Variants in SCLT1 observed in about 807,000 individuals in gnomAD.
SCLT1 encodes sodium channel and clathrin linker 1, also known as sodium channel-associated protein 1.
SCLT1 carries 78 observed loss-of-function variants against 112.8 expected under a neutral mutation model. The ratio of observed to expected loss-of-function variants is 0.69; its 90% CI spans 0.58 to 0.83. SCLT1 has a LOEUF of 0.83. SCLT1 is among the 40% of genes least tolerant of loss of function. SCLT1 has a pLI of 0.00. For missense variants in SCLT1, 747 were observed against 770.4 expected (o/e 0.97, Z 0.36); for synonymous variants, 257 against 254.7 (o/e 1.01, Z -0.09).
intron 5 of SCLT1, among the ~76,000 whole-genome samples, chr4:129,024,251 T>G (rs1293130492): frequency 6.6e-6 from 1 of 151,046 alleles, no homozygotes; most frequent in Non-Finnish European, 1.5e-5. Context: ...AGTGGGTCTC[T>G]GACCCCTGAC....
chr4:128,993,782 G>T (rs1055456203), intron 8 of SCLT1, among the ~76,000 whole-genome samples: 16 of 151,952 alleles, frequency 1.1e-4, no homozygotes, highest in Non-Finnish European at 2.2e-4. Context: ...TTGCAACTTA[G>T]AGAACCTATA....
At chr4:129,050,842 A>G (rs1417101687) in intron 2 of SCLT1, among the ~76,000 whole-genome samples, 1 of 151,994 alleles carries the variant, frequency 6.6e-6, no homozygotes, top group East Asian at 1.9e-4. Flanking sequence ...TAGGTTTTCT[A>G]CTGGGCTTTT....
intron 2 of SCLT1, among the ~76,000 whole-genome samples, chr4:129,079,742 T>C (rs557409944): frequency 6.6e-6 from 1 of 152,340 alleles, no homozygotes; most frequent in East Asian, 1.9e-4. Context: ...GTGTGGATTC[T>C]GTGTGGGGGC....
At chr4:129,055,829 A>AC (rs1749325898) in intron 2 of SCLT1, among the ~76,000 whole-genome samples, 2 of 141,394 alleles carry the variant, frequency 1.4e-5, no homozygotes, top group Admixed American at 1.4e-4. Context: ...AAAAAAAAAA[A>AC]AACAAAAACA....
intron 18 of SCLT1, among the ~76,000 whole-genome samples, chr4:128,932,714 A>G (rs1346410478): frequency 6.6e-6 from 1 of 152,148 alleles, no homozygotes; most frequent in Non-Finnish European, 1.5e-5. Context: ...ATAAAACCCT[A>G]AAGACCTCAT....
At chr4:128,893,851 A>T (rs948579143) in intron 18 of SCLT1, among the ~76,000 whole-genome samples, 1 of 152,136 alleles carries the variant, frequency 6.6e-6, no homozygotes, top group South Asian at 2.1e-4. Context: ...CCGAAATCCC[A>T]ATTTTTACAT....
intron 10 of SCLT1, among the ~76,000 whole-genome samples, chr4:128,966,893 T>C (rs1740248191): frequency 6.6e-6 from 1 of 151,990 alleles, no homozygotes; most frequent in Non-Finnish European, 1.5e-5. Flanking sequence ...AGGGGGTACA[T>C]GGGCAGGTTT....
Position 129,032,633 on chromosome 4 carries a change from A to G in SCLT1, c.290+6408T>C, listed in dbSNP as rs187859896. ...TCCACAATCTGCAAGGAACTTAAAC[A>G]AATTTACAAGAAAAAAAAACCCCAT... On this transcript the variant is annotated intron_variant, in intron 5 of 20. Coordinates refer to ENST00000281142, the MANE Select transcript of SCLT1 (RefSeq NM_144643.4). Among the ~76,000 whole-genome samples the G allele has an allele frequency of 6.8e-3, 1,033 of 152,284 alleles. 17 individuals are homozygous for G. Among genetic ancestry groups the G allele is most frequent in the African/African-American group, 0.024 (989 of 41,560 alleles).
chr4:128,930,231 A>C (rs1736650224), intron 18 of SCLT1, among the ~76,000 whole-genome samples: 1 of 152,178 alleles, frequency 6.6e-6, no homozygotes, highest in Non-Finnish European at 1.5e-5. Context: ...AGTCATGAGG[A>C]TACCAAACTT....
intron 11 of SCLT1, 148 bp downstream of exon 11, chr4:128,965,079 G>A: frequency 1.9e-6 from 1 of 535,348 alleles, no homozygotes; most frequent in Non-Finnish European, 3.3e-6. Context: ...AATAAACAAT[G>A]TCGATTAAAT....
intron 17 of SCLT1, among the ~76,000 whole-genome samples, chr4:128,940,980 G>C (rs544004066): frequency 6.6e-6 from 1 of 152,060 alleles, no homozygotes; most frequent in Non-Finnish European, 1.5e-5. Context: ...AATTAATGGT[G>C]AGTTTAAACT....
intron 18 of SCLT1, among the ~76,000 whole-genome samples, chr4:128,908,967 GT>G (rs1234739293): frequency 6.6e-6 from 1 of 152,170 alleles, no homozygotes; most frequent in East Asian, 1.9e-4. Flanking sequence ...GTTTGCTGTG[GT>G]GGCTGACATT....
intron 2 of SCLT1, among the ~76,000 whole-genome samples, chr4:129,081,102 C>T (rs1214239788): frequency 1.3e-5 from 2 of 152,178 alleles, no homozygotes; most frequent in African/African-American, 4.8e-5. Context: ...GAAACCCACT[C>T]CTACCCATTT....
At chr4:128,897,965 A>G (rs1003186208) in intron 18 of SCLT1, among the ~76,000 whole-genome samples, 4 of 152,232 alleles carry the variant, frequency 2.6e-5, no homozygotes, top group African/African-American at 4.8e-5. Context: ...CTCAACAAGA[A>G]GAGCTAACTA....
intron 20 of SCLT1, among the ~76,000 whole-genome samples, chr4:128,885,812 T>C (rs1178374052): frequency 6.6e-6 from 1 of 152,218 alleles, no homozygotes; most frequent in Non-Finnish European, 1.5e-5. Flanking sequence ...CCAAACTTCA[T>C]GATCTGATAG....
chr4:128,939,225 C>G lies in SCLT1; in HGVS notation c.1633-2374G>C, dbSNP rs978751768. On this transcript the variant is annotated intron_variant, in intron 17 of 20. Coordinates refer to ENST00000281142, the MANE Select transcript of SCLT1 (RefSeq NM_144643.4). ...ATTTCCACTATAATGCCTTTTTATT[C>G]TTTGGTTCTTTTCACATGCTGTTTC... Among the ~76,000 whole-genome samples the G allele has an allele frequency of 4.6e-5, 7 of 152,048 alleles. 1 individual carries two copies. The highest frequency in any genetic ancestry group is 3.9e-4 in the Admixed American group (6 of 15,270).
intron 2 of SCLT1, among the ~76,000 whole-genome samples, chr4:129,074,527 T>C (rs889664519): frequency 3.3e-5 from 5 of 152,194 alleles, no homozygotes; most frequent in Admixed American, 6.5e-5. Flanking sequence ...CGAGCAGTAA[T>C]AGAAAAAATC....
At chr4:128,958,609 G>C (rs975746149) in intron 12 of SCLT1, among the ~76,000 whole-genome samples, 3 of 152,090 alleles carry the variant, frequency 2.0e-5, no homozygotes, top group Non-Finnish European at 4.4e-5. Flanking sequence ...GCTCATACAA[G>C]TAGGCTTCAG....
At chr4:128,934,689 A>G (rs1381713138) in intron 18 of SCLT1, among the ~76,000 whole-genome samples, 1 of 151,922 alleles carries the variant, frequency 6.6e-6, no homozygotes, top group African/African-American at 2.4e-5. Flanking sequence ...CGGTTTTTCT[A>G]TATTCACTTA....
Sources: gnomAD v4.1 joint callset for allele counts (sites outside exome capture counted in the v4.1 genomes callset) on GRCh38, gnomAD v4.1.1 for gene constraint, MANE v1.5 for transcripts, NCBI Gene and HGNC (gene_info 2026-07-23, HGNC 2026-07-21) for gene names.